SEPTIN9: variants seen among roughly 807,000 people sequenced by gnomAD.
SEPTIN9 encodes the protein septin-9.
A neutral mutation model predicts 56.6 loss-of-function variants in SEPTIN9; 13 were observed. The ratio of observed to expected loss-of-function variants is 0.23; its 90% confidence interval spans 0.15 to 0.37. SEPTIN9 has a LOEUF of 0.37. Among genes scored for constraint, SEPTIN9 ranks in the 10% least tolerant of loss-of-function variants. The pLI, the probability that SEPTIN9 is intolerant of heterozygous loss-of-function variation, is 1.00. For synonymous variants in SEPTIN9, 332 were observed against 334.1 expected (o/e 0.99, Z 0.07); for missense variants, 650 against 823.1 (o/e 0.79, Z 2.57).
At chr17:77,406,458 A>T (rs2411111) in intron 3 of SEPTIN9, among the ~76,000 whole-genome samples, 50,713 of 150,588 alleles carry the variant, frequency 0.34, 8,911 homozygotes, top group Non-Finnish European at 0.4. Context: ...TTTTTTTTTT[A>T]AATGTGAAAG....
At chr17:77,298,428 G>A (rs1000972781) in intron 1 of SEPTIN9, among the ~76,000 whole-genome samples, 1 of 152,234 alleles carries the variant, frequency 6.6e-6, no homozygotes, top group Non-Finnish European at 1.5e-5. Context: ...TAAGGGGACT[G>A]GGGAGTGTGC....
rs566328635 is a variant in SEPTIN9, at chr17:77,344,200, A to G, written c.76+37003A>G. 1.0e-3 allele frequency among the ~76,000 whole-genome samples: 154 copies of G among 152,240 alleles called. 2 individuals are homozygous for G. Among genetic ancestry groups the G allele is most frequent in the African/African-American group, 3.5e-3 (147 of 41,548 alleles). ...GCCACAAAACAAAAAAAAACAACCCAGTGAACAGACATTTTTCCACAGAAG... is the reference window on the plus strand; with the variant it reads ...GCCACAAAACAAAAAAAAACAACCCGGTGAACAGACATTTTTCCACAGAAG... On this transcript the variant is annotated intron_variant, in intron 2 of 11. Transcript: ENST00000427177.
intron 3 of SEPTIN9, chr17:77,472,321 A>T (rs1301028714): frequency 6.6e-6 from 1 of 152,166 alleles, no homozygotes; most frequent in Non-Finnish European, 1.5e-5. Context: ...ACAATAGAGG[A>T]GAGGTTTGCT....
chr17:77,417,736 G>T (rs992237145), intron 3 of SEPTIN9, among the ~76,000 whole-genome samples: 8 of 152,108 alleles, frequency 5.3e-5, no homozygotes, highest in Admixed American at 2.0e-4. Context: ...GTCTATATCC[G>T]CATTCATGTG....
chr17:77,341,302 T>C (rs2033716646), intron 2 of SEPTIN9, among the ~76,000 whole-genome samples: 1 of 152,206 alleles, frequency 6.6e-6, no homozygotes, highest in Non-Finnish European at 1.5e-5. Context: ...GGGTTATTAA[T>C]TGGCCTAATT....
rs1159896883 is a variant in SEPTIN9, at chr17:77,310,499, G to A, written c.76+3302G>A. Among the ~76,000 whole-genome samples the A allele has an allele frequency of 2.0e-5, 3 of 152,188 alleles. No homozygotes were observed. The highest frequency in any genetic ancestry group is 4.4e-5 in the Non-Finnish European group (3 of 68,030). On this transcript the variant is annotated intron_variant, in intron 2 of 11. Coordinates refer to ENST00000427177, the MANE Select transcript of SEPTIN9 (RefSeq NM_001113491.2). This position sits in a 1 kb window ranked among gnomAD's most constrained non-coding sequence, Gnocchi z 4.7. ...GCAGCTAGCGAGTGTTCCTCTGTGT[G>A]GGGAGGCAGAGTTTGCCCGTCCCGT...
intron 2 of SEPTIN9, among the ~76,000 whole-genome samples, chr17:77,383,193 C>CCTCCTTCT: frequency 6.6e-6 from 1 of 151,330 alleles, no homozygotes; most frequent in Non-Finnish European, 1.5e-5. Context: ...TCTCTCCCTC[C>CCTCCTTCT]CTCCCTCTTG....
At chr17:77,384,129 G>A (rs987833972) in intron 2 of SEPTIN9, among the ~76,000 whole-genome samples, 4 of 152,168 alleles carry the variant, frequency 2.6e-5, no homozygotes, top group African/African-American at 7.2e-5. Flanking sequence ...GGGGTGATTC[G>A]CAAAGAGGCT....
At chr17:77,351,380 C>T (rs771497495) in intron 2 of SEPTIN9, among the ~76,000 whole-genome samples, 2 of 152,082 alleles carry the variant, frequency 1.3e-5, no homozygotes, top group South Asian at 2.1e-4. Flanking sequence ...TGTTGCTGCT[C>T]GTTGAAGGGA....
At chr17:77,332,616 G>A (rs2143715548) in intron 2 of SEPTIN9, among the ~76,000 whole-genome samples, 1 of 152,314 alleles carries the variant, frequency 6.6e-6, no homozygotes, top group African/African-American at 2.4e-5. Flanking sequence ...GTATCCACGT[G>A]TATCCCAGCC....
intron 3 of SEPTIN9, among the ~76,000 whole-genome samples, chr17:77,418,822 C>T (rs1049850934): frequency 1.8e-4 from 27 of 152,146 alleles, no homozygotes; most frequent in African/African-American, 5.8e-4. Context: ...GTCTGTGGGC[C>T]GTGCTTCCAG....
intron 4 of SEPTIN9, among the ~76,000 whole-genome samples, chr17:77,484,967 A>ATTGTG (rs2039666471): frequency 1.7e-5 from 1 of 57,406 alleles, no homozygotes; most frequent in Non-Finnish European, 3.2e-5. Flanking sequence ...TGTGGTGGTG[A>ATTGTG]AGGGGGTGAT....
rs369188489 is a variant in SEPTIN9 at position 77,475,874 on chromosome 17, G to A, written c.722-6270G>A. The stretch of plus-strand genomic sequence containing the variant: ...CAGGAGGAGGATGACCTTGCATTCT[G>A]CTTGGCCACCATTGGCAGTGACAGA... On this transcript the variant is annotated intron_variant, in intron 3 of 11. Transcript: ENST00000427177. This position sits in a 1 kb window ranked among gnomAD's most constrained non-coding sequence, Gnocchi z 4.6. 3 of 1,612,470 alleles carry A rather than the reference G, an allele frequency of 1.9e-6. No homozygotes were observed. Among genetic ancestry groups the A allele is most frequent in the Non-Finnish European group, 2.5e-6 (3 of 1,179,042 alleles).
intron 1 of SEPTIN9, among the ~76,000 whole-genome samples, chr17:77,283,631 G>A (rs957485059): frequency 7.2e-5 from 11 of 152,186 alleles, no homozygotes; most frequent in African/African-American, 2.4e-4. Flanking sequence ...CATCTAGACT[G>A]TGCGGGATTA....
chr17:77,466,254 C>T (rs1471357417), intron 3 of SEPTIN9: 2 of 324,248 alleles, frequency 6.2e-6, no homozygotes, highest in Non-Finnish European at 8.9e-6. Flanking sequence ...GTTACCATCC[C>T]TCAGAGATGC....
chr17:77,470,827 C>T (rs2038965041), intron 3 of SEPTIN9: 1 of 152,304 alleles, frequency 6.6e-6, no homozygotes, highest in African/African-American at 2.4e-5. Flanking sequence ...TCTTTGGCTT[C>T]CTCACTTCTT....
chr17:77,414,793 G>T (rs762571267), intron 3 of SEPTIN9, among the ~76,000 whole-genome samples: 4 of 152,056 alleles, frequency 2.6e-5, no homozygotes, highest in Non-Finnish European at 5.9e-5. Context: ...GCCCAGGCTG[G>T]TCTTGAACTC....
intron 2 of SEPTIN9, among the ~76,000 whole-genome samples, chr17:77,344,799 C>G (rs1228488666): frequency 6.6e-6 from 1 of 152,072 alleles, no homozygotes; most frequent in Non-Finnish European, 1.5e-5. Flanking sequence ...TGGCGAAACC[C>G]TGTCTCTGCT....
chr17:77,342,450 A>G lies in SEPTIN9; in HGVS notation c.76+35253A>G, dbSNP rs576830499. ...TTATCAATCTAGATCTTTTTAAAGA[A>G]CCAGCATTGGACTCCCCTTTTCTGG... On this transcript the variant is annotated intron_variant, in intron 2 of 11. Transcript: ENST00000427177. Among the ~76,000 whole-genome samples the G allele has an allele frequency of 2.0e-5, 3 of 152,334 alleles. No individual in the cohort carries two copies. In the South Asian group the frequency reaches 6.2e-4, roughly 32 times the overall value.
Sources: gnomAD v4.1 joint callset for allele counts (sites outside exome capture counted in the v4.1 genomes callset) on GRCh38, gnomAD v4.1.1 for gene constraint, Gnocchi (gnomAD v3.1) non-coding constraint, MANE v1.5 for transcripts, NCBI Gene and HGNC (gene_info 2026-07-23, HGNC 2026-07-21) for gene names.